Variants in ANKRD36C observed in about 807,000 individuals in gnomAD.
ANKRD36C encodes the protein ankyrin repeat domain 36C, also known as ankyrin repeat domain-containing protein 36C.
Under a neutral mutation model 276.4 loss-of-function variants are expected in ANKRD36C, and 61 were observed. That is an observed-to-expected ratio of 0.22 (90% CI 0.18 to 0.27). The LOEUF (loss-of-function observed/expected upper bound fraction) is 0.27, where lower values mean the gene tolerates loss of function less well. ANKRD36C is among the 10% of genes least tolerant of loss of function. The probability of loss-of-function intolerance (pLI) is 1.00; values close to 1 mark genes in which losing one functional copy is unlikely to be tolerated. For synonymous variants in ANKRD36C, 483 were observed against 680.1 expected, an observed-to-expected ratio of 0.71 and a Z score of 4.51; for missense variants, 1,447 against 2,032.3, an observed-to-expected ratio of 0.71 and a Z score of 5.54.
At position 95,859,770 on chromosome 2, in the gene ANKRD36C, T is replaced by C. The variant is rs1675518239; in HGVS notation, c.3896+91A>G. Reference sequence around the variant, plus strand: ...AGAAGCTTTCTTCCCTGTTAAATCCTAGAAGGAAAGTTCGCAATTACAAAA... The same window carrying C: ...AGAAGCTTTCTTCCCTGTTAAATCCCAGAAGGAAAGTTCGCAATTACAAAA... On this transcript the variant is annotated intron_variant, in intron 61 of 66. Transcript: ENST00000456556. 2.8e-6 allele frequency: 4 copies of C among 1,416,708 alleles called. 1 individual carries two copies. The Admixed American group carries it at 8.5e-5, about 30-fold the overall frequency. The allele number at this position is 1,416,708 out of a possible 1,614,324, so 87.8% of individuals were successfully genotyped here.
At chr2:95,978,367 T>C (rs1394254873) in intron 5 of ANKRD36C, among the ~76,000 whole-genome samples, 178 bp from the exon 6 acceptor site, 2 of 152,016 alleles carry the variant, frequency 1.3e-5, no homozygotes, top group South Asian at 2.1e-4. Flanking sequence ...TAATAACAGG[T>C]GAAGTACTCA....
At chr2:95,872,969 A>G (rs1420056336) in intron 59 of ANKRD36C, among the ~76,000 whole-genome samples, 1 of 152,256 alleles carries the variant, frequency 6.6e-6, no homozygotes, top group Non-Finnish European at 1.5e-5. Flanking sequence ...TAAACCAGGA[A>G]GAAGTTGAAT....
intron 34 of ANKRD36C, 109 bp downstream of exon 36, chr2:95,919,624 T>C (rs1343001776): frequency 1.8e-6 from 1 of 561,970 alleles, no homozygotes; most frequent in Non-Finnish European, 2.2e-6. Context: ...TGAATCAGAA[T>C]GTGCAGCTTC....
chr2:95,976,367 GA>G (rs1678809379), intron 6 of ANKRD36C, among the ~76,000 whole-genome samples: 3 of 152,214 alleles, frequency 2.0e-5, no homozygotes, highest in African/African-American at 7.2e-5. Flanking sequence ...TGAAACTCTC[GA>G]AATGCGGCTG....
At chr2:95,878,991 A>G (rs1429491621) in intron 58 of ANKRD36C, among the ~76,000 whole-genome samples, 1 of 152,234 alleles carries the variant, frequency 6.6e-6, no homozygotes, top group African/African-American at 2.4e-5. Flanking sequence ...TCAGTATTAT[A>G]AAAGAGAAAT....
At chr2:95,951,294 A>C (rs1573797172) in intron 15 of ANKRD36C, 54 bp downstream of exon 15, 7 of 1,392,006 alleles carry the variant, frequency 5.0e-6, no homozygotes, top group East Asian at 5.0e-5. Flanking sequence ...AAAAAAAAAA[A>C]AAACAAATGA....
At chr2:95,924,662 A>G (rs572283845) in intron 30 of ANKRD36C, among the ~76,000 whole-genome samples, 189 of 151,776 alleles carry the variant, frequency 1.2e-3, no homozygotes, top group African/African-American at 4.5e-3. Context: ...CTAATAAAAA[A>G]TATATGTCTG....
chr2:95,929,151 G>A lies in ANKRD36C; in HGVS notation c.1765-7C>T, dbSNP rs777071465. 158 of 1,602,054 alleles carry A rather than the reference G, an allele frequency of 9.9e-5. No individual in the cohort carries two copies. The highest frequency in any genetic ancestry group is 1.3e-4 in the Non-Finnish European group (152 of 1,178,136). On this transcript the variant is annotated splice_region_variant and splice_polypyrimidine_tract_variant and intron_variant, in intron 25 of 66. Transcript: ENST00000456556. The stretch of plus-strand genomic sequence containing the variant: ...CTTTGTCGTCACTTGTAGCCTGAAT[G>A]GGATTTGAAACAAAATAATCAATAT...
At chr2:95,919,663 A>G in intron 34 of ANKRD36C, 70 bp downstream of exon 36, 15 of 324,636 alleles carry the variant, frequency 4.6e-5, no homozygotes, top group Non-Finnish European at 5.9e-5. Context: ...CCCTCCGCTG[A>G]TTTATTCGGG....
intron 40 of ANKRD36C, among the ~76,000 whole-genome samples, chr2:95,913,246 G>C (rs1192784114): frequency 1.3e-5 from 2 of 149,566 alleles, no homozygotes. Context: ...GACCATTTTA[G>C]GAGTTAGTTA....
intron 59 of ANKRD36C, among the ~76,000 whole-genome samples, chr2:95,871,545 C>T (rs1476616416): frequency 6.6e-6 from 1 of 151,986 alleles, no homozygotes; most frequent in African/African-American, 2.4e-5. Flanking sequence ...ACAACCGGTA[C>T]CAGCCACTGC....
At chr2:95,964,005 ATATATATATGTG>A (rs1413426870) in intron 6 of ANKRD36C, among the ~76,000 whole-genome samples, 647 of 37,318 alleles carry the variant, frequency 0.017, 14 homozygotes, top group African/African-American at 0.044. Context: ...ATATATATAT[ATATATATATGTG>A]TGTGTGTGTC....
chr2:95,987,278 A>C, intron 1 of ANKRD36C, 72 bp from the exon 2 acceptor site: 1 of 1,481,452 alleles, frequency 6.8e-7, no homozygotes, highest in Non-Finnish European at 9.0e-7. Flanking sequence ...CTCTGTCTTC[A>C]AAACAAATAT....
intron 19 of ANKRD36C, among the ~76,000 whole-genome samples, chr2:95,944,122 T>C: frequency 6.6e-6 from 1 of 152,324 alleles, no homozygotes; most frequent in East Asian, 1.9e-4. Context: ...TTTCTTTTCT[T>C]AATCTATATT....
chr2:95,860,890 G>A (rs1242244967), intron 60 of ANKRD36C, among the ~76,000 whole-genome samples: 8 of 152,098 alleles, frequency 5.3e-5, no homozygotes, highest in African/African-American at 1.9e-4. Context: ...GTATTTAGTG[G>A]AGTAATGAAA....
At chr2:95,956,021 AAAG>A in intron 13 of ANKRD36C, among the ~76,000 whole-genome samples, 1 of 152,296 alleles carries the variant, frequency 6.6e-6, no homozygotes, top group Non-Finnish European at 1.5e-5. Context: ...TAGAAGGAAA[AAAG>A]AAGAATCCAA....
chr2:95,881,081 C>T (rs575045493), intron 56 of ANKRD36C, among the ~76,000 whole-genome samples: 5 of 152,244 alleles, frequency 3.3e-5, no homozygotes, highest in Admixed American at 6.5e-5. Context: ...AGAAGGTACA[C>T]AATTACAATG....
intron 20 of ANKRD36C, among the ~76,000 whole-genome samples, chr2:95,939,877 CTCTTGCCA>C (rs1022064780): frequency 2.6e-5 from 4 of 152,224 alleles, no homozygotes; most frequent in Admixed American, 6.5e-5. Context: ...AACTTTAGTT[CTCTTGCCA>C]TCTTTTCATT....
intron 17 of ANKRD36C, among the ~76,000 whole-genome samples, chr2:95,947,687 T>C (rs1573793523): frequency 1.3e-5 from 2 of 152,160 alleles, no homozygotes; most frequent in Non-Finnish European, 2.9e-5. Flanking sequence ...AAACAGGTTG[T>C]TATTTTAAAC....
Sources: allele counts gnomAD v4.1 joint callset (sites outside exome capture counted in the v4.1 genomes callset), GRCh38; gene constraint gnomAD v4.1.1; transcripts MANE v1.5; gene names NCBI Gene and HGNC (gene_info 2026-07-23, HGNC 2026-07-21).